The following GRIK1 variants were observed in gnomAD, a reference collection of about 807,000 sequenced individuals.
GRIK1 encodes glutamate ionotropic receptor kainate type subunit 1, also known as glutamate receptor ionotropic, kainate 1.
GRIK1 carries 69 observed loss-of-function variants against 105.7 expected under a neutral mutation model. That is an observed-to-expected ratio of 0.65 (90% CI 0.54 to 0.80). The LOEUF (loss-of-function observed/expected upper bound fraction) is 0.80, where lower values mean the gene tolerates loss of function less well. Among genes scored for constraint, GRIK1 ranks in the 30% least tolerant of loss-of-function variants. The probability of loss-of-function intolerance (pLI) is 0.00; values close to 1 mark genes in which losing one functional copy is unlikely to be tolerated. For synonymous variants in GRIK1, 438 were observed against 431.3 expected (o/e 1.02, Z -0.19); for missense variants, 1,109 against 1,167.3 (o/e 0.95, Z 0.73).
chr21:29,801,337 A>G (rs2066706251), intron 1 of GRIK1, among the ~76,000 whole-genome samples: 1 of 151,966 alleles, frequency 6.6e-6, no homozygotes, highest in South Asian at 2.1e-4. Context: ...ACCTCTTTTT[A>G]AATTTAGCTG....
intron 1 of GRIK1, among the ~76,000 whole-genome samples, chr21:29,925,832 A>G (rs2071351812): frequency 6.6e-6 from 1 of 152,194 alleles, no homozygotes; most frequent in East Asian, 1.9e-4. Context: ...AAAGTGAGTG[A>G]CAGATACCAC....
intron 14 of GRIK1, among the ~76,000 whole-genome samples, chr21:29,564,248 C>T (rs975049731): frequency 1.3e-5 from 2 of 151,934 alleles, no homozygotes; most frequent in East Asian, 3.9e-4. Flanking sequence ...CCCGGGTTCA[C>T]GCCATTCTCC....
At chr21:29,690,038 G>A in intron 2 of GRIK1, 53 bp from the exon 3 acceptor site, 4 of 1,353,736 alleles carry the variant, frequency 3.0e-6, no homozygotes, top group Admixed American at 1.9e-5. Flanking sequence ...GAAAGGGGGA[G>A]AGAAAAAGAG....
intron 7 of GRIK1, among the ~76,000 whole-genome samples, chr21:29,633,496 C>CTAAAA (rs1018347219): frequency 6.6e-6 from 1 of 151,198 alleles, no homozygotes; most frequent in South Asian, 2.1e-4. Context: ...GACTCTGTCT[C>CTAAAA]TAAAATAAAA....
At chr21:29,737,080 A>G (rs1296210039) in intron 1 of GRIK1, among the ~76,000 whole-genome samples, 1 of 152,180 alleles carries the variant, frequency 6.6e-6, no homozygotes, top group Non-Finnish European at 1.5e-5. Flanking sequence ...TGTATTCTCC[A>G]TTTATGTTTT....
chr21:29,678,952 T>C (rs1208802743), intron 3 of GRIK1, among the ~76,000 whole-genome samples: 4 of 152,226 alleles, frequency 2.6e-5, no homozygotes, highest in Non-Finnish European at 4.4e-5. Context: ...GTATATTATT[T>C]CTGTTTTCTA....
intron 1 of GRIK1, among the ~76,000 whole-genome samples, chr21:29,816,767 A>G (rs943481744): frequency 6.6e-6 from 1 of 152,130 alleles, no homozygotes; most frequent in Non-Finnish European, 1.5e-5. Context: ...AGAGAGTAGA[A>G]TGAGAGTTAC....
At chr21:29,792,380 G>A (rs1438063549) in intron 1 of GRIK1, among the ~76,000 whole-genome samples, 2 of 152,124 alleles carry the variant, frequency 1.3e-5, no homozygotes, top group Non-Finnish European at 2.9e-5. Context: ...TATTTGAAAT[G>A]TCTTGTGGGT....
chr21:29,537,842 C>T lies in GRIK1; in HGVS notation c.2650G>A (p.Val884Ile), dbSNP rs768048841. The change falls in exon 17 of 18, where the codon GTA becomes ATA. Residue 884 changes from valine to isoleucine, a missense_variant. Around this residue, in one of 5 missense-constraint regions of GRIK1, gnomAD observed 161 missense variants for 143.4 expected, o/e 1.12. Transcript: ENST00000327783. ...TGTTTTTTTCTCCCATGAAACCTTA[C>T]TTTGTTCCTAAAATAAAATCTAATT... Reference protein sequence around the residue: ...SRIRFYFRNKVRFHGRKKQSL... With the variant: ...SRIRFYFRNKIRFHGRKKQSL... 6.6e-7 allele frequency: 1 copy of T among 1,523,488 alleles called. No homozygotes were observed. Among genetic ancestry groups the T allele is most frequent in the Non-Finnish European group, 9.1e-7 (1 of 1,101,208 alleles). 94.4% of individuals were successfully genotyped at this position (1,523,488 alleles called of 1,614,324 possible).
intron 1 of GRIK1, among the ~76,000 whole-genome samples, chr21:29,893,396 G>A (rs1258859339): frequency 2.0e-5 from 3 of 152,112 alleles, no homozygotes; most frequent in Non-Finnish European, 2.9e-5. Context: ...GTAGCTAATG[G>A]TGTACAATCT....
chr21:29,544,536 C>T lies in GRIK1; in HGVS notation c.2608-6652G>A, dbSNP rs529679131. Among the ~76,000 whole-genome samples the T allele has an allele frequency of 2.5e-3, 385 of 152,234 alleles. 1 individual carries two copies. The highest frequency in any genetic ancestry group is 8.9e-3 in the African/African-American group (370 of 41,532). On this transcript the variant is annotated intron_variant, in intron 16 of 17. Transcript: ENST00000327783. ...GTCCTTTTTCTCACTTTTCAAGTTACAGCAAGTGCTTTTATATGCATTATC... is the reference window on the plus strand; with the variant it reads ...GTCCTTTTTCTCACTTTTCAAGTTATAGCAAGTGCTTTTATATGCATTATC...
intron 1 of GRIK1, among the ~76,000 whole-genome samples, chr21:29,828,186 T>C (rs408302): frequency 0.66 from 100,355 of 151,746 alleles, 33,250 homozygotes; most frequent in East Asian, 0.78. Flanking sequence ...TTCTGCTTCC[T>C]TCTATTGGTC....
At chr21:29,566,039 A>G (rs78825377) in intron 14 of GRIK1, among the ~76,000 whole-genome samples, 2,222 of 152,316 alleles carry the variant, frequency 0.015, 54 homozygotes, top group African/African-American at 0.046. Context: ...AGTAAATTAC[A>G]TGTATTCCTT....
At chr21:29,580,419 C>T (rs1380988677) in intron 13 of GRIK1, among the ~76,000 whole-genome samples, 2 of 151,946 alleles carry the variant, frequency 1.3e-5, no homozygotes, top group Non-Finnish European at 2.9e-5. Context: ...TACTTAATTG[C>T]GTAACTAGGA....
At chr21:29,928,022 C>G (rs924119476) in intron 1 of GRIK1, among the ~76,000 whole-genome samples, 5 of 152,080 alleles carry the variant, frequency 3.3e-5, no homozygotes, top group Admixed American at 3.3e-4. Flanking sequence ...AGTTGTTCAA[C>G]CTTTTGGCTT....
intron 1 of GRIK1, among the ~76,000 whole-genome samples, chr21:29,823,342 G>A (rs2145932298): frequency 6.6e-6 from 1 of 151,938 alleles, no homozygotes; most frequent in Admixed American, 6.6e-5. Flanking sequence ...GATAGTATGA[G>A]GGGAGATTTT....
Position 29,783,897 on chromosome 21 carries a change from C to G in GRIK1, c.119-89834G>C, listed in dbSNP as rs2066189844. Among the ~76,000 whole-genome samples the G allele has an allele frequency of 3.3e-5, 5 of 152,110 alleles. No individual in the cohort carries two copies. In the South Asian group the frequency reaches 1.0e-3, roughly 32 times the overall value. ...CTTTTACTATTACCATATCAATCAG[C>G]CCTATGAACAAACTGAGCCCCGACT... On this transcript the variant is annotated intron_variant, in intron 1 of 17. Transcript: ENST00000327783.
intron 1 of GRIK1, among the ~76,000 whole-genome samples, chr21:29,698,117 G>A (rs2063745666): frequency 6.6e-6 from 1 of 151,226 alleles, no homozygotes; most frequent in Non-Finnish European, 1.5e-5. Flanking sequence ...GTGAGTGTGA[G>A]CTGTCAATGA....
chr21:29,709,297 T>C (rs76252247), intron 1 of GRIK1, among the ~76,000 whole-genome samples: 1 of 150,220 alleles, frequency 6.7e-6, no homozygotes, highest in Non-Finnish European at 1.5e-5. Context: ...TTTTTTTTTT[T>C]TGAGACAGAG....
Sources: allele counts gnomAD v4.1 joint callset (sites outside exome capture counted in the v4.1 genomes callset), GRCh38; gene constraint gnomAD v4.1.1; regional missense constraint gnomAD v4.1.1; transcripts MANE v1.5; gene names NCBI Gene and HGNC (gene_info 2026-07-23, HGNC 2026-07-21).